MGMT: variants seen among roughly 807,000 people sequenced by gnomAD.
The protein encoded by MGMT is O-6-methylguanine-DNA methyltransferase.
A neutral mutation model predicts 15.9 loss-of-function variants in MGMT; 14 were observed. The ratio of observed to expected loss-of-function variants is 0.88; its 90% CI spans 0.58 to 1.37. The LOEUF is 1.37. Among genes scored for constraint, MGMT ranks in the 40% most tolerant of loss-of-function variants. The probability of loss-of-function intolerance (pLI) is 0.00; values close to 1 mark genes in which losing one functional copy is unlikely to be tolerated. For missense variants in MGMT, 282 were observed against 268.1 expected, an observed-to-expected ratio of 1.05 and a Z score of -0.36; for synonymous variants, 130 against 118.2, an observed-to-expected ratio of 1.10 and a Z score of -0.65.
At chr10:129,501,022 A>G (rs1278271975) in intron 1 of MGMT, among the ~76,000 whole-genome samples, 1 of 152,226 alleles carries the variant, frequency 6.6e-6, no homozygotes, top group Non-Finnish European at 1.5e-5. Context: ...AAGCCAAAAC[A>G]TTGAGCTCAG....
At chr10:129,494,627 A>T (rs1845502626) in intron 1 of MGMT, among the ~76,000 whole-genome samples, 1 of 152,070 alleles carries the variant, frequency 6.6e-6, no homozygotes, top group Non-Finnish European at 1.5e-5. Flanking sequence ...CTTGAAATTG[A>T]CTCCTGTGGC....
In MGMT at chr10:129,566,773, G is replaced by GCC. The variant is rs1221580332; in HGVS notation, c.125+30396_125+30397insCC. On this transcript the variant is annotated intron_variant, in intron 2 of 4. Transcript: ENST00000651593. This position sits in a 1 kb window ranked among gnomAD's most constrained non-coding sequence, Gnocchi z 4.1. ...TGGTATTCCTCAGCTCTGCCCCAGG[G>GCC]TCCCTCTGATTCCACGGAGGAGCTG... Among the ~76,000 whole-genome samples the GCC allele has an allele frequency of 8.5e-5, 13 of 152,112 alleles. No homozygotes were observed. Among genetic ancestry groups the GCC allele is most frequent in the Non-Finnish European group, 1.8e-4 (12 of 68,026 alleles).
chr10:129,691,151 G>A (rs111832852), intron 2 of MGMT, among the ~76,000 whole-genome samples: 6 of 152,378 alleles, frequency 3.9e-5, no homozygotes, highest in Middle Eastern at 3.4e-3. Context: ...GAAGGCTGAC[G>A]TTGATGTTGC....
At chr10:129,519,150 G>T (rs577927578) in intron 1 of MGMT, among the ~76,000 whole-genome samples, 1 of 152,276 alleles carries the variant, frequency 6.6e-6, no homozygotes, top group East Asian at 1.9e-4. Context: ...CTGTCTTCGA[G>T]GGGAAAGGCC....
At chr10:129,682,346 C>T (rs1473717277) in intron 2 of MGMT, among the ~76,000 whole-genome samples, 1 of 151,954 alleles carries the variant, frequency 6.6e-6, no homozygotes, top group Non-Finnish European at 1.5e-5. Flanking sequence ...ATACACGGTA[C>T]AATTTGGATG....
At chr10:129,572,654 G>C (rs559558224) in intron 2 of MGMT, among the ~76,000 whole-genome samples, 3 of 152,196 alleles carry the variant, frequency 2.0e-5, no homozygotes, top group Non-Finnish European at 4.4e-5. Context: ...AATTAATTCA[G>C]AAATCTTTCC....
At chr10:129,514,457 CAAAT>C (rs1281590353) in intron 1 of MGMT, among the ~76,000 whole-genome samples, 1 of 147,290 alleles carries the variant, frequency 6.8e-6, no homozygotes, top group African/African-American at 2.6e-5. Flanking sequence ...TATTTCAAAT[CAAAT>C]AATTTGGCCA....
At position 129,614,900 on chromosome 10, in the gene MGMT, G is replaced by A. The variant is rs143557547; in HGVS notation, c.125+78523G>A. Among the ~76,000 whole-genome samples, 354 of 152,210 alleles carry A rather than the reference G, an allele frequency of 2.3e-3. 1 individual carries two copies. The highest frequency in any genetic ancestry group is 8.0e-3 in the African/African-American group (333 of 41,538). ...ATGTGTGGGTGCCGAGCGCTCCCTC[G>A]TCAGCTTTTGCAAAGCATTTTGCAT... On this transcript the variant is annotated intron_variant, in intron 2 of 4. Coordinates refer to ENST00000651593, the MANE Select transcript of MGMT (RefSeq NM_002412.5).
chr10:129,679,244 G>A (rs74822731), intron 2 of MGMT, among the ~76,000 whole-genome samples: 13,929 of 152,050 alleles, frequency 0.092, 917 homozygotes, highest in Admixed American at 0.18. Flanking sequence ...AAATTTATGC[G>A]GTCCTTGTGT....
intron 2 of MGMT, among the ~76,000 whole-genome samples, chr10:129,596,497 G>T (rs1450570789): frequency 6.6e-6 from 1 of 152,148 alleles, no homozygotes; most frequent in African/African-American, 2.4e-5. Flanking sequence ...AAGGCGGGCA[G>T]ATCTCATGGG....
chr10:129,516,126 G>A (rs905335689), intron 1 of MGMT, among the ~76,000 whole-genome samples: 1 of 152,124 alleles, frequency 6.6e-6, no homozygotes, highest in Admixed American at 6.5e-5. Context: ...ATATTTTATT[G>A]TAAGTTCGTC....
chr10:129,512,367 C>G (rs529178699), intron 1 of MGMT, among the ~76,000 whole-genome samples: 1 of 152,066 alleles, frequency 6.6e-6, no homozygotes, highest in East Asian at 1.9e-4. Context: ...TTCTGTTACA[C>G]GTTAATTTAA....
At chr10:129,612,146 G>T (rs1334933460) in intron 2 of MGMT, among the ~76,000 whole-genome samples, 1 of 152,176 alleles carries the variant, frequency 6.6e-6, no homozygotes, top group African/African-American at 2.4e-5. Context: ...AAAATCTCCT[G>T]GTTGATAATT....
At chr10:129,692,443 G>A (rs933340578) in intron 2 of MGMT, among the ~76,000 whole-genome samples, 5 of 152,226 alleles carry the variant, frequency 3.3e-5, no homozygotes, top group South Asian at 2.1e-4. Context: ...ATTCAGCTCC[G>A]TTGCTTTCTG....
chr10:129,534,672 A>G (rs1845966802), intron 1 of MGMT, among the ~76,000 whole-genome samples: 1 of 151,784 alleles, frequency 6.6e-6, no homozygotes, highest in South Asian at 2.1e-4. Context: ...AGTGCTGGTG[A>G]AGGGTTTCAC....
At chr10:129,569,222 A>G (rs1053666494) in intron 2 of MGMT, among the ~76,000 whole-genome samples, 2 of 152,140 alleles carry the variant, frequency 1.3e-5, no homozygotes, top group Non-Finnish European at 2.9e-5. Context: ...GACGATAGAC[A>G]TAAAACACCT....
rs1458078381 is a variant in MGMT at position 129,536,244 on chromosome 10, C to G, written c.-9C>G. 4 of 1,613,718 alleles carry G rather than the reference C, an allele frequency of 2.5e-6. No homozygotes were observed. The South Asian group carries it at 3.3e-5, about 13-fold the overall frequency. The stretch of plus-strand genomic sequence containing the variant: ...CTTAAAAATTATTTCTGTTTAGGTA[C>G]TTGGAAAAATGGACAAGGATTGTGA... On this transcript the variant is annotated 5_prime_UTR_variant, in exon 2 of 5. Coordinates refer to ENST00000651593, the MANE Select transcript of MGMT (RefSeq NM_002412.5).
At chr10:129,534,640 A>G (rs765427215) in intron 1 of MGMT, among the ~76,000 whole-genome samples, 1 of 151,912 alleles carries the variant, frequency 6.6e-6, no homozygotes, top group Non-Finnish European at 1.5e-5. Flanking sequence ...TATGTAAGAC[A>G]CAGAAAGGAA....
In MGMT at chr10:129,766,862, C is replaced by G. The variant is rs2308319; in HGVS notation, c.489C>G (p.Ala163=). 2 of 1,613,814 alleles carry G rather than the reference C, an allele frequency of 1.2e-6. No homozygotes were observed. Among genetic ancestry groups the G allele is most frequent in the African/African-American group, 1.3e-5 (1 of 75,068 alleles). ...GAVGNYSGGL[A]VKEWLLAHEG... Reference sequence around the variant, plus strand: ...TGGGCAACTACTCCGGAGGACTGGCCGTGAAGGAATGGCTTCTGGCCCATG... The same window carrying G: ...TGGGCAACTACTCCGGAGGACTGGCGGTGAAGGAATGGCTTCTGGCCCATG... Residue 163 remains alanine (A), a synonymous_variant, in exon 5 of 5, where the codon GCC becomes GCG. Coordinates refer to ENST00000651593, the MANE Select transcript of MGMT (RefSeq NM_002412.5).
Sources: gnomAD v4.1 joint callset for allele counts (sites outside exome capture counted in the v4.1 genomes callset) on GRCh38, gnomAD v4.1.1 for gene constraint, Gnocchi (gnomAD v3.1) non-coding constraint, MANE v1.5 for transcripts, NCBI Gene and HGNC (gene_info 2026-07-23, HGNC 2026-07-21) for gene names.